The following CTNNA2 variants were observed in gnomAD, a reference collection of about 807,000 sequenced individuals.
CTNNA2 encodes catenin alpha-2.
CTNNA2 carries 42 observed loss-of-function variants against 101.0 expected under a neutral mutation model. The observed-to-expected ratio is 0.42, with a 90% CI of 0.32 to 0.54. CTNNA2 has a LOEUF of 0.54. CTNNA2 is among the 20% of genes least tolerant of loss of function. The probability of loss-of-function intolerance (pLI) is 0.14; values close to 1 mark genes in which losing one functional copy is unlikely to be tolerated. For synonymous variants in CTNNA2, 450 were observed against 456.4 expected (o/e 0.99, Z 0.18); for missense variants, 871 against 1,223.1 (o/e 0.71, Z 4.29).
intron 7 of CTNNA2, among the ~76,000 whole-genome samples, chr2:80,280,062 C>T (rs77617317): frequency 0.065 from 9,859 of 151,740 alleles, 494 homozygotes; most frequent in South Asian, 0.28. Context: ...TCAGGGCCTC[C>T]GTCCTTGTAT....
chr2:80,460,914 A>AT (rs1457659589), intron 9 of CTNNA2, among the ~76,000 whole-genome samples: 2 of 152,108 alleles, frequency 1.3e-5, no homozygotes, highest in Non-Finnish European at 2.9e-5. Context: ...GAGCCCAATA[A>AT]TTTTTTGTCA....
chr2:80,302,171 AC>A lies in CTNNA2; in HGVS notation c.1057-91036del. 20 of 1,528,184 alleles carry A rather than the reference AC, an allele frequency of 1.3e-5. No individual in the cohort carries two copies. The highest frequency in any genetic ancestry group is 1.8e-5 in the Non-Finnish European group (20 of 1,135,380). 94.7% of individuals were successfully genotyped at this position (1,528,184 alleles called of 1,614,324 possible). The stretch of plus-strand genomic sequence containing the variant: ...AGCATATCAGAGCACAGACAAGGAG[AC>A]CCCAGCCTGGTGCCCGCCGGCCCGT... On this transcript the variant is annotated intron_variant, in intron 7 of 18. Transcript: ENST00000402739. The surrounding 1 kb of genome is among the most constrained non-coding windows in gnomAD (Gnocchi z 6.4).
chr2:79,384,019 G>A (rs1396267849), intron 4 of CTNNA2, among the ~76,000 whole-genome samples: 2 of 152,188 alleles, frequency 1.3e-5, no homozygotes, highest in African/African-American at 4.8e-5. Context: ...GAAGGACGTA[G>A]AGAAATTGGA....
At chr2:79,264,549 G>A (rs535397761) in intron 2 of CTNNA2, among the ~76,000 whole-genome samples, 2 of 152,218 alleles carry the variant, frequency 1.3e-5, no homozygotes, top group South Asian at 4.2e-4. Context: ...GCAATGCTGT[G>A]ATAATTAAGG....
chr2:79,855,902 C>T (rs2974156), intron 3 of CTNNA2, among the ~76,000 whole-genome samples: 20,368 of 152,204 alleles, frequency 0.13, 1,940 homozygotes, highest in East Asian at 0.45. Context: ...TCTACTTGCA[C>T]TGTATAAAGT....
At chr2:80,170,550 T>A (rs936586159) in intron 7 of CTNNA2, among the ~76,000 whole-genome samples, 6 of 152,178 alleles carry the variant, frequency 3.9e-5, no homozygotes, top group Non-Finnish European at 7.4e-5. Flanking sequence ...CATGACCTAT[T>A]ACAACCTATT....
chr2:79,642,852 A>G (rs10209612), intron 1 of CTNNA2, among the ~76,000 whole-genome samples: 33,775 of 151,140 alleles, frequency 0.22, 4,400 homozygotes, highest in African/African-American at 0.36. Flanking sequence ...GCGCCAGAAA[A>G]TAGCCCCTCT....
intron 9 of CTNNA2, among the ~76,000 whole-genome samples, chr2:80,424,570 C>A (rs1171265230): frequency 6.6e-6 from 1 of 152,160 alleles, no homozygotes; most frequent in African/African-American, 2.4e-5. Flanking sequence ...TGTTGGGCAG[C>A]AGAGAGGCAG....
At chr2:80,198,581 C>T (rs7608454) in intron 7 of CTNNA2, among the ~76,000 whole-genome samples, 37,992 of 152,092 alleles carry the variant, frequency 0.25, 7,769 homozygotes, top group African/African-American at 0.56. Flanking sequence ...TGCTTTTCAA[C>T]ATTCAATGTG....
At chr2:79,767,441 G>T (rs1186115954) in intron 3 of CTNNA2, among the ~76,000 whole-genome samples, 1 of 151,972 alleles carries the variant, frequency 6.6e-6, no homozygotes, top group East Asian at 2.0e-4. Context: ...TGAAGAGTTA[G>T]TTATTTATTT....
chr2:79,722,364 T>C (rs2104869894), intron 2 of CTNNA2, among the ~76,000 whole-genome samples: 1 of 152,272 alleles, frequency 6.6e-6, no homozygotes, highest in Non-Finnish European at 1.5e-5. Context: ...ATTTGTTTTG[T>C]TGGAGGAAAA....
At chr2:80,147,739 A>G (rs1176363403) in intron 7 of CTNNA2, among the ~76,000 whole-genome samples, 2 of 152,148 alleles carry the variant, frequency 1.3e-5, no homozygotes, top group African/African-American at 2.4e-5. Context: ...TTAGTCATTT[A>G]TACCACGGGG....
At chr2:80,417,424 G>C (rs959585116) in intron 8 of CTNNA2, among the ~76,000 whole-genome samples, 1 of 151,474 alleles carries the variant, frequency 6.6e-6, no homozygotes, top group African/African-American at 2.4e-5. Flanking sequence ...GGACCCCCTG[G>C]TAGCCCTGTA....
chr2:79,199,195 G>A (rs1474107162), intron 2 of CTNNA2, among the ~76,000 whole-genome samples: 2 of 152,134 alleles, frequency 1.3e-5, no homozygotes, highest in Admixed American at 6.5e-5. Flanking sequence ...TCCCTACGGG[G>A]CAAAGAGAGG....
intron 2 of CTNNA2, among the ~76,000 whole-genome samples, chr2:79,212,282 C>G (rs1031797267): frequency 1.4e-4 from 22 of 152,182 alleles, no homozygotes; most frequent in African/African-American, 5.3e-4. Flanking sequence ...TATGACTAGA[C>G]AGAAGATAGT....
At chr2:79,302,011 T>C (rs991641339) in intron 2 of CTNNA2, among the ~76,000 whole-genome samples, 2 of 152,066 alleles carry the variant, frequency 1.3e-5, no homozygotes, top group African/African-American at 4.8e-5. Context: ...GAGAATCACT[T>C]GAACCTGGGA....
intron 3 of CTNNA2, among the ~76,000 whole-genome samples, chr2:79,779,833 C>G (rs1190661013): frequency 6.6e-6 from 1 of 152,072 alleles, no homozygotes; most frequent in Non-Finnish European, 1.5e-5. Context: ...TCTGAATGGA[C>G]CCCTCTTCCT....
At chr2:79,738,590 T>C (rs988701597) in intron 2 of CTNNA2, among the ~76,000 whole-genome samples, 2 of 152,130 alleles carry the variant, frequency 1.3e-5, no homozygotes, top group African/African-American at 4.8e-5. Flanking sequence ...TAAAGCTGTA[T>C]GAGTTTAGAG....
intron 3 of CTNNA2, among the ~76,000 whole-genome samples, chr2:79,805,733 C>T (rs141042759): frequency 0.024 from 3,653 of 151,862 alleles, 161 homozygotes; most frequent in African/African-American, 0.084. Context: ...GTCAGGAGAT[C>T]GAGACCATCC....
Sources: allele counts gnomAD v4.1 joint callset (sites outside exome capture counted in the v4.1 genomes callset), GRCh38; gene constraint gnomAD v4.1.1; non-coding constraint Gnocchi (gnomAD v3.1); transcripts MANE v1.5; gene names NCBI Gene and HGNC (gene_info 2026-07-23, HGNC 2026-07-21).